Variants in TENM2 observed in about 807,000 individuals in gnomAD.
TENM2 encodes teneurin-2.
Under a neutral mutation model 245.2 loss-of-function variants are expected in TENM2, and 52 were observed. That is an observed-to-expected ratio of 0.21 (90% confidence interval 0.17 to 0.27). The LOEUF (loss-of-function observed/expected upper bound fraction) is 0.27. Ranked by LOEUF, TENM2 falls within the 10% of genes least tolerant of loss-of-function variation. The pLI is 1.00. For synonymous variants in TENM2, 1,363 were observed against 1,438.9 expected, an observed-to-expected ratio of 0.95 and a Z score of 1.19; for missense variants, 3,046 against 3,666.8, an observed-to-expected ratio of 0.83 and a Z score of 4.37.
At chr5:168,004,557 A>C (rs993493550) in intron 5 of TENM2, among the ~76,000 whole-genome samples, 15 of 147,436 alleles carry the variant, frequency 1.0e-4, no homozygotes, top group Non-Finnish European at 2.1e-4. Context: ...ACACACACAC[A>C]CCACTATCCC....
At chr5:167,693,261 CT>C (rs1412153766) in intron 2 of TENM2, among the ~76,000 whole-genome samples, 2 of 152,138 alleles carry the variant, frequency 1.3e-5, no homozygotes, top group Non-Finnish European at 2.9e-5. Flanking sequence ...AAATCTGCCC[CT>C]ATTGGTCAAT....
At chr5:167,938,796 A>G (rs146838745) in intron 3 of TENM2, among the ~76,000 whole-genome samples, 1,801 of 152,224 alleles carry the variant, frequency 0.012, 31 homozygotes, top group African/African-American at 0.041. Context: ...TACAAAAATT[A>G]GCCGGGTGTG....
At chr5:167,429,284 T>A (rs776913415) in intron 2 of TENM2, among the ~76,000 whole-genome samples, 7 of 152,166 alleles carry the variant, frequency 4.6e-5, no homozygotes, top group Non-Finnish European at 7.3e-5. Flanking sequence ...GCAAGCTCTG[T>A]GGTTTGAGTA....
At chr5:167,833,622 A>G (rs1189495711) in intron 2 of TENM2, among the ~76,000 whole-genome samples, 1 of 152,226 alleles carries the variant, frequency 6.6e-6, no homozygotes, top group Non-Finnish European at 1.5e-5. Flanking sequence ...GCAGTGTGAA[A>G]CATCTCTAAC....
chr5:167,291,684 G>A (rs1400767228), intron 1 of TENM2, among the ~76,000 whole-genome samples: 1 of 152,204 alleles, frequency 6.6e-6, no homozygotes, highest in East Asian at 1.9e-4. Context: ...TTTATCCTGT[G>A]CTTGGAGATA....
chr5:167,626,089 G>C (rs1042004471), intron 2 of TENM2, among the ~76,000 whole-genome samples: 3 of 152,146 alleles, frequency 2.0e-5, no homozygotes, highest in Admixed American at 1.3e-4. Flanking sequence ...CCACATTAAA[G>C]CAGAGAAAGA....
the TENM2 span, among the ~76,000 whole-genome samples, chr5:167,092,651 G>A: frequency 6.6e-6 from 1 of 152,124 alleles, no homozygotes; most frequent in Non-Finnish European, 1.5e-5. Context: ...CAAACCTAGA[G>A]AAAAGACTTG....
chr5:167,859,033 C>T (rs1419043222), intron 2 of TENM2, among the ~76,000 whole-genome samples: 3 of 150,714 alleles, frequency 2.0e-5, no homozygotes, highest in Non-Finnish European at 3.0e-5. Flanking sequence ...AGGAGCGTCT[C>T]CGCCCGGCCG....
chr5:167,022,572 T>C, the TENM2 span, among the ~76,000 whole-genome samples: 3 of 152,254 alleles, frequency 2.0e-5, no homozygotes, highest in Admixed American at 2.0e-4. Context: ...TCACGTGTTA[T>C]CTTTATAAAC....
intron 19 of TENM2, among the ~76,000 whole-genome samples, chr5:168,205,045 A>G (rs1496398): frequency 0.95 from 144,021 of 152,272 alleles, 68,200 homozygotes; most frequent in East Asian, 1. Flanking sequence ...CCTTTACTGC[A>G]TAGGCTTTGC....
the TENM2 span, among the ~76,000 whole-genome samples, chr5:167,043,227 T>C: frequency 6.6e-6 from 1 of 152,336 alleles, no homozygotes; most frequent in East Asian, 1.9e-4. Flanking sequence ...CTATGATAGG[T>C]ACTGGAAGTA....
intron 2 of TENM2, among the ~76,000 whole-genome samples, chr5:167,655,714 C>T (rs1310322376): frequency 6.6e-6 from 1 of 152,180 alleles, no homozygotes; most frequent in Non-Finnish European, 1.5e-5. Context: ...GTTAATTCAA[C>T]TATTTGGCTA....
At chr5:167,891,010 A>G (rs1429525712) in intron 3 of TENM2, among the ~76,000 whole-genome samples, 1 of 152,298 alleles carries the variant, frequency 6.6e-6, no homozygotes, top group South Asian at 2.1e-4. Context: ...TTACTGGTGG[A>G]CCATATTTAG....
chr5:167,006,797 G>A, the TENM2 span, among the ~76,000 whole-genome samples: 1 of 152,000 alleles, frequency 6.6e-6, no homozygotes, highest in African/African-American at 2.4e-5. Context: ...CTCCCAAGTA[G>A]CTGGGATTAC....
intron 3 of TENM2, among the ~76,000 whole-genome samples, chr5:167,913,520 A>G (rs1776705177): frequency 6.6e-6 from 1 of 152,234 alleles, no homozygotes; most frequent in Non-Finnish European, 1.5e-5. Context: ...CTTTACTGCC[A>G]ATTTCTGAAT....
At chr5:167,254,781 T>C in the TENM2 span, among the ~76,000 whole-genome samples, 2 of 152,064 alleles carry the variant, frequency 1.3e-5, no homozygotes, top group East Asian at 3.9e-4. Flanking sequence ...GGCAAGTGAC[T>C]TGACACCTGA....
intron 2 of TENM2, among the ~76,000 whole-genome samples, chr5:167,723,751 A>G (rs1412926017): frequency 6.6e-6 from 1 of 152,088 alleles, no homozygotes; most frequent in Non-Finnish European, 1.5e-5. Flanking sequence ...CCTGCATCCT[A>G]CTGCAGTTTC....
At chr5:167,310,779 G>T (rs1554132315) in intron 1 of TENM2, among the ~76,000 whole-genome samples, 1 of 152,160 alleles carries the variant, frequency 6.6e-6, no homozygotes, top group Non-Finnish European at 1.5e-5. Flanking sequence ...GAAAATTAGT[G>T]TTGTTAATTC....
chr5:167,732,421 A>G (rs1324385523), intron 2 of TENM2, among the ~76,000 whole-genome samples: 2 of 152,196 alleles, frequency 1.3e-5, no homozygotes, highest in East Asian at 1.9e-4. Context: ...TGTTTAGTCA[A>G]TGTGATGAGA....
Sources: allele counts gnomAD v4.1 joint callset (sites outside exome capture counted in the v4.1 genomes callset), GRCh38; gene constraint gnomAD v4.1.1; transcripts MANE v1.5; gene names NCBI Gene and HGNC (gene_info 2026-07-23, HGNC 2026-07-21).